The following MRPS5 variants were observed in gnomAD, a reference collection of about 807,000 sequenced individuals.
The protein encoded by MRPS5 is mitochondrial ribosomal protein S5.
MRPS5 carries 27 observed loss-of-function variants against 51.9 expected under a neutral mutation model. The observed-to-expected ratio is 0.52, with a 90% confidence interval of 0.38 to 0.72. The LOEUF (loss-of-function observed/expected upper bound fraction) is 0.72, where lower values mean the gene tolerates loss of function less well. Ranked by LOEUF, MRPS5 falls within the 30% of genes least tolerant of loss-of-function variation. The pLI is 0.00. For synonymous variants in MRPS5, 196 were observed against 193.2 expected (o/e 1.01, Z -0.12); for missense variants, 570 against 545.7 (o/e 1.04, Z -0.44).
chr2:95,097,644 A>G (rs1025098752), intron 10 of MRPS5, among the ~76,000 whole-genome samples: 6 of 152,264 alleles, frequency 3.9e-5, no homozygotes, highest in African/African-American at 1.4e-4. Context: ...CTGGCTAGCC[A>G]TATGTAGAAA....
At position 95,104,414 on chromosome 2, in the gene MRPS5, T is replaced by A. The variant is rs78908173; in HGVS notation, c.763+226A>T. The A allele has an allele frequency of 2.1e-3, 1,156 of 561,690 alleles. 9 individuals carry two copies. Among genetic ancestry groups the A allele is most frequent in the African/African-American group, 0.019 (982 of 52,874 alleles). The allele number at this position is 561,690 out of a possible 1,614,324, so 34.8% of individuals were successfully genotyped here. A position where few individuals can be genotyped will look rare whatever the true frequency, so the allele number is the denominator to read the frequency against. Reference sequence around the variant, plus strand: ...TAATGTCTTCAGCCTTTTATAATATTCCTTTTCCTCAGAGGAAAAGGCAAG... The same window carrying A: ...TAATGTCTTCAGCCTTTTATAATATACCTTTTCCTCAGAGGAAAAGGCAAG... On this transcript the variant is annotated intron_variant, in intron 7 of 11. Coordinates refer to ENST00000272418, the MANE Select transcript of MRPS5 (RefSeq NM_031902.5).
At chr2:95,088,200 G>A (rs1237394352) in intron 11 of MRPS5, among the ~76,000 whole-genome samples, 1 of 151,976 alleles carries the variant, frequency 6.6e-6, no homozygotes, top group African/African-American at 2.4e-5. Context: ...GATATTTGAT[G>A]ATACAAGTTA....
chr2:95,109,821 A>G, intron 4 of MRPS5, 95 bp downstream of exon 4: 1 of 1,403,882 alleles, frequency 7.1e-7, no homozygotes, highest in Non-Finnish European at 9.7e-7. Context: ...GCCCTTCATA[A>G]GAAATGTTTT....
chr2:95,101,384 C>CAAA (rs34810443), intron 8 of MRPS5, among the ~76,000 whole-genome samples: 1 of 60,822 alleles, frequency 1.6e-5, no homozygotes, highest in East Asian at 4.7e-4. Flanking sequence ...GACAACGTCT[C>CAAA]AAAAAAAAAA....
At chr2:95,087,851 C>T (rs1675343528) in intron 11 of MRPS5, among the ~76,000 whole-genome samples, 1 of 152,174 alleles carries the variant, frequency 6.6e-6, no homozygotes, top group Non-Finnish European at 1.5e-5. Flanking sequence ...CCTGATTATG[C>T]ACCATGCTGT....
chr2:95,115,732 C>G (rs751712617), intron 2 of MRPS5, among the ~76,000 whole-genome samples: 1 of 152,164 alleles, frequency 6.6e-6, no homozygotes, highest in Non-Finnish European at 1.5e-5. Flanking sequence ...CTCAACTGCA[C>G]AGAGGAAGAC....
At chr2:95,104,375 T>C (rs1161779510) in intron 7 of MRPS5, 5 of 471,304 alleles carry the variant, frequency 1.1e-5, no homozygotes, top group Admixed American at 3.4e-5. Context: ...TTTCCACTAT[T>C]ATACATAATA....
At chr2:95,090,298 T>A in intron 11 of MRPS5, 88 bp downstream of exon 11, 1 of 1,390,682 alleles carries the variant, frequency 7.2e-7, no homozygotes, top group Non-Finnish European at 9.7e-7. Context: ...GGAAAGCATC[T>A]CCAGGAGGCC....
chr2:95,104,303 G>C (rs1675885584), intron 7 of MRPS5: 1 of 305,180 alleles, frequency 3.3e-6, no homozygotes, highest in Non-Finnish European at 6.3e-6. Context: ...GAATATTACA[G>C]TGTATGGCTA....
At chr2:95,089,270 AT>A (rs1675388729) in intron 11 of MRPS5, among the ~76,000 whole-genome samples, 1 of 152,126 alleles carries the variant, frequency 6.6e-6, no homozygotes, top group African/African-American at 2.4e-5. Context: ...TTTTCTTTTA[AT>A]TTTCCTACTT....
intron 3 of MRPS5, among the ~76,000 whole-genome samples, chr2:95,110,459 T>G (rs148180008): frequency 6.6e-6 from 1 of 152,168 alleles, no homozygotes; most frequent in Non-Finnish European, 1.5e-5. Context: ...CAAACAAGAA[T>G]CAACATTTCA....
In MRPS5 at chr2:95,121,763, C is replaced by G; in HGVS notation, c.29G>C (p.Cys10Ser). MATAVRAVG[C>S]LPVLCSGTAG... ...CGTCCCGCTACACAGCACGGGGAGG[C>G]AGCCCACAGCGCGCACCGCGGTCGC... The change falls in exon 1 of 12, where the codon TGC (cysteine) becomes TCC (serine). Residue 10 changes from cysteine (C) to serine (S), a missense_variant. Coordinates refer to ENST00000272418, the MANE Select transcript of MRPS5 (RefSeq NM_031902.5). 5 of 1,553,720 alleles carry G rather than the reference C, an allele frequency of 3.2e-6. No individual in the cohort carries two copies. Among genetic ancestry groups the G allele is most frequent in the Non-Finnish European group, 4.3e-6 (5 of 1,159,138 alleles).
At position 95,108,281 on chromosome 2, in the gene MRPS5, T is replaced by C. The variant is rs760459437; in HGVS notation, c.531A>G (p.Glu177=). The change falls in exon 5 of 12, where the codon GAA becomes GAG. Residue 177 remains glutamate (E), a synonymous_variant. Coordinates refer to ENST00000272418, the MANE Select transcript of MRPS5 (RefSeq NM_031902.5). ...TCATCTTCTTCTTTCGGTCCCACTC[T>C]TCTCTCTGCTGGATCATGTCTGCCT... The part of the protein sequence containing the change: ...KVEADMIQQR[E]EWDRKKKMKV... The C allele has an allele frequency of 6.2e-7, 1 of 1,614,198 alleles. No individual in the cohort carries two copies. Among genetic ancestry groups the C allele is most frequent in the Non-Finnish European group, 8.5e-7 (1 of 1,180,020 alleles).
chr2:95,092,684 A>T (rs1675503336), intron 10 of MRPS5: 1 of 152,266 alleles, frequency 6.6e-6, no homozygotes, highest in Admixed American at 6.5e-5. Context: ...AAGACAGGAA[A>T]GATTTTAAAA....
At chr2:95,116,831 T>C (rs528053997) in intron 2 of MRPS5, among the ~76,000 whole-genome samples, 5 of 152,288 alleles carry the variant, frequency 3.3e-5, no homozygotes, top group African/African-American at 1.2e-4. Flanking sequence ...ACCCCGTCTC[T>C]ACTAAAAATA....
chr2:95,097,512 T>C (rs1282188961), intron 10 of MRPS5, among the ~76,000 whole-genome samples: 2 of 151,996 alleles, frequency 1.3e-5, no homozygotes, highest in African/African-American at 2.4e-5. Context: ...TATAGACCAA[T>C]GGAATCGAAC....
chr2:95,085,840 A>C lies in MRPS5; in HGVS notation c.*1517T>G, dbSNP rs764983342. On this transcript the variant is annotated 3_prime_UTR_variant, in exon 12 of 12. Coordinates refer to ENST00000272418, the MANE Select transcript of MRPS5 (RefSeq NM_031902.5). The stretch of plus-strand genomic sequence containing the variant: ...CACTCATCATAACAAGAACTAGGAC[A>C]TTGTAAACTTGAATGAGAAAAAACC... 6.6e-6 allele frequency among the ~76,000 whole-genome samples: 1 copy of C among 152,184 alleles called. No individual in the cohort carries two copies. Among genetic ancestry groups the C allele is most frequent in the Non-Finnish European group, 1.5e-5 (1 of 68,038 alleles).
In MRPS5 at chr2:95,121,786, C is replaced by A. The variant is rs1676464345; in HGVS notation, c.6G>T (p.Ala2=). 6.5e-7 allele frequency: 1 copy of A among 1,549,626 alleles called. No homozygotes were observed. Residue 2 remains alanine (A), a synonymous_variant, in exon 1 of 12, where the codon GCG becomes GCT. Transcript: ENST00000272418. The part of the protein sequence containing the change: M[A]TAVRAVGCLP... ...GGCAGCCCACAGCGCGCACCGCGGT[C>A]GCCATGCTGGAGTCCGAGCCGCGCC...
rs774918202 is a variant in MRPS5, at chr2:95,106,484, C to T, written c.638-27G>A. On this transcript the variant is annotated intron_variant, in intron 5 of 11. Coordinates refer to ENST00000272418, the MANE Select transcript of MRPS5 (RefSeq NM_031902.5). ...TGTAGGGAGAAAAGAAACAGGGATA[C>T]AGATGAAATGTGTGTACACAATTAA... 1.9e-6 allele frequency: 3 copies of T among 1,589,192 alleles called. No individual in the cohort carries two copies. The East Asian group carries it at 6.7e-5, about 36-fold the overall frequency.
Sources: allele counts gnomAD v4.1 joint callset (sites outside exome capture counted in the v4.1 genomes callset), GRCh38; gene constraint gnomAD v4.1.1; transcripts MANE v1.5; gene names NCBI Gene and HGNC (gene_info 2026-07-23, HGNC 2026-07-21).